Variants in PLD5 observed in about 807,000 individuals in gnomAD.
The protein encoded by PLD5 is phospholipase D family member 5, also known as inactive phospholipase D5.
Under a neutral mutation model 61.1 loss-of-function variants are expected in PLD5, and 36 were observed. The ratio of observed to expected loss-of-function variants is 0.59; its 90% CI spans 0.45 to 0.78. The LOEUF (loss-of-function observed/expected upper bound fraction) is 0.78. PLD5 is among the 30% of genes least tolerant of loss of function. The pLI, the probability that PLD5 is intolerant of heterozygous loss-of-function variation, is 0.00. For missense variants in PLD5, 515 were observed against 644.4 expected (o/e 0.80, Z 2.17); for synonymous variants, 243 against 242.8 (o/e 1.00, Z -0.01).
At chr1:242,320,710 A>G (rs1166578350) in intron 2 of PLD5, among the ~76,000 whole-genome samples, 3 of 152,110 alleles carry the variant, frequency 2.0e-5, no homozygotes, top group Non-Finnish European at 2.9e-5. Flanking sequence ...AAATAAATAT[A>G]CTTAGCATCA....
chr1:242,150,062 A>G (rs912468524), intron 5 of PLD5, among the ~76,000 whole-genome samples: 2 of 151,792 alleles, frequency 1.3e-5, no homozygotes, highest in South Asian at 2.1e-4. Context: ...AAAATATTCA[A>G]TTTCCCTAAG....
At chr1:242,127,717 T>C (rs1166021851) in intron 5 of PLD5, among the ~76,000 whole-genome samples, 3 of 152,102 alleles carry the variant, frequency 2.0e-5, no homozygotes, top group Non-Finnish European at 4.4e-5. Context: ...TGTACACTGC[T>C]TGGGTGATGA....
intron 9 of PLD5, among the ~76,000 whole-genome samples, chr1:242,092,201 A>C (rs1438576946): frequency 2.6e-5 from 4 of 152,006 alleles, no homozygotes; most frequent in African/African-American, 9.7e-5. Flanking sequence ...ACCATAGCTC[A>C]TTGTAGCCTT....
chr1:242,405,167 C>T (rs1388338938), intron 1 of PLD5, among the ~76,000 whole-genome samples: 1 of 152,090 alleles, frequency 6.6e-6, no homozygotes, highest in Admixed American at 6.5e-5. Context: ...CTCGCCTGGC[C>T]CTCTGCTAAT....
intron 1 of PLD5, among the ~76,000 whole-genome samples, chr1:242,427,618 C>T (rs1483706093): frequency 6.6e-6 from 1 of 152,208 alleles, no homozygotes; most frequent in African/African-American, 2.4e-5. Context: ...AGAAACTCCG[C>T]CATCCCATAT....
intron 4 of PLD5, among the ~76,000 whole-genome samples, chr1:242,232,869 G>T (rs116118542): frequency 4.0e-5 from 6 of 151,516 alleles, no homozygotes; most frequent in East Asian, 2.0e-4. Flanking sequence ...GAAATAAAAG[G>T]TTTGGCTGGG....
At position 242,434,995 on chromosome 1, in the gene PLD5, T is replaced by C. The variant is rs1424122630; in HGVS notation, c.190-86753A>G. ...ACCCATCACCTAAGTATTAAGCCCGTATGCATTAGCTATTTTTCCTGATGC... is the reference window on the plus strand; with the variant it reads ...ACCCATCACCTAAGTATTAAGCCCGCATGCATTAGCTATTTTTCCTGATGC... On this transcript the variant is annotated intron_variant, in intron 1 of 9. Transcript: ENST00000536534. Among the ~76,000 whole-genome samples, 6 of 152,096 alleles carry C rather than the reference T, an allele frequency of 3.9e-5. 1 individual carries two copies. The highest frequency in any genetic ancestry group is 8.8e-5 in the Non-Finnish European group (6 of 68,032).
intron 4 of PLD5, among the ~76,000 whole-genome samples, chr1:242,236,856 C>T: frequency 6.6e-6 from 1 of 152,186 alleles, no homozygotes; most frequent in East Asian, 1.9e-4. Context: ...TAAACCTCTC[C>T]TTAGAAAAAT....
intron 1 of PLD5, among the ~76,000 whole-genome samples, chr1:242,439,525 A>G (rs1348889757): frequency 6.6e-6 from 1 of 152,216 alleles, no homozygotes; most frequent in Non-Finnish European, 1.5e-5. Flanking sequence ...AGAGAAGGGC[A>G]TAGAATCTGG....
intron 1 of PLD5, among the ~76,000 whole-genome samples, chr1:242,448,394 T>A (rs529699627): frequency 9.2e-5 from 14 of 152,336 alleles, no homozygotes; most frequent in African/African-American, 3.4e-4. Flanking sequence ...AAAAATCATT[T>A]CCCACACATC....
intron 1 of PLD5, among the ~76,000 whole-genome samples, chr1:242,425,414 A>G (rs1665364102): frequency 6.6e-6 from 1 of 152,120 alleles, no homozygotes; most frequent in Admixed American, 6.5e-5. Context: ...TACAGCATAA[A>G]CAATTAAAAT....
chr1:242,175,937 G>T (rs1667111820), intron 5 of PLD5, among the ~76,000 whole-genome samples: 1 of 152,124 alleles, frequency 6.6e-6, no homozygotes, highest in African/African-American at 2.4e-5. Flanking sequence ...AATAAGAGAG[G>T]ACACAAACAA....
chr1:242,486,176 C>A (rs1178474987), intron 1 of PLD5, among the ~76,000 whole-genome samples: 2 of 152,256 alleles, frequency 1.3e-5, no homozygotes, highest in South Asian at 2.1e-4. Context: ...ATGTCGAAAA[C>A]ACCAAAAGCA....
At chr1:242,407,999 T>TG (rs1421277822) in intron 1 of PLD5, among the ~76,000 whole-genome samples, 4 of 150,960 alleles carry the variant, frequency 2.6e-5, no homozygotes, top group Non-Finnish European at 4.4e-5. Flanking sequence ...ATATTTTTTA[T>TG]TTTTTTAATA....
intron 1 of PLD5, among the ~76,000 whole-genome samples, chr1:242,380,406 T>C (rs951834547): frequency 3.3e-5 from 5 of 152,170 alleles, no homozygotes; most frequent in Admixed American, 3.3e-4. Context: ...CTAGAAACAG[T>C]CTTCCCTCTA....
chr1:242,349,358 G>A (rs2149221756), intron 1 of PLD5, among the ~76,000 whole-genome samples: 1 of 152,268 alleles, frequency 6.6e-6, no homozygotes, highest in East Asian at 1.9e-4. Context: ...TTCCAAAAGG[G>A]AGGAGGGCAC....
intron 4 of PLD5, among the ~76,000 whole-genome samples, chr1:242,226,923 A>G (rs1670986565): frequency 6.6e-6 from 1 of 152,232 alleles, no homozygotes; most frequent in Non-Finnish European, 1.5e-5. Flanking sequence ...AAATGAAAAT[A>G]TTAACTAAAA....
At chr1:242,263,660 A>G (rs1181614856) in intron 4 of PLD5, among the ~76,000 whole-genome samples, 3 of 152,276 alleles carry the variant, frequency 2.0e-5, no homozygotes, top group African/African-American at 7.2e-5. Flanking sequence ...TCGTGTTTTG[A>G]TAAGAAGTCT....
Position 242,089,958 on chromosome 1 carries a change from G to A in PLD5, c.1507C>T (p.Gln503Ter). 6.2e-7 allele frequency: 1 copy of A among 1,614,174 alleles called. No individual in the cohort carries two copies. The highest frequency in any genetic ancestry group is 8.5e-7 in the Non-Finnish European group (1 of 1,180,030). ...DWYSPYAKTLQPTKQPNCSSL... is the reference protein window; with the variant it reads ...DWYSPYAKTL Reference sequence around the variant, plus strand: ...GAGCAGTTCGGCTGTTTGGTTGGCTGTAAGGTTTTGGCATACGGTGAATAC... The same window carrying A: ...GAGCAGTTCGGCTGTTTGGTTGGCTATAAGGTTTTGGCATACGGTGAATAC... The change falls in exon 10 of 10, where the codon CAG becomes TAG. Residue 503 changes from glutamine (Q) to a stop codon, truncating the protein, a stop_gained. Transcript: ENST00000536534. LOFTEE classifies it low-confidence loss of function (END_TRUNC).
Sources: gnomAD v4.1 joint callset for allele counts (sites outside exome capture counted in the v4.1 genomes callset) on GRCh38, gnomAD v4.1.1 for gene constraint, MANE v1.5 for transcripts, NCBI Gene and HGNC (gene_info 2026-07-23, HGNC 2026-07-21) for gene names.